GAB1: variants seen among roughly 807,000 people sequenced by gnomAD.
GAB1 encodes GRB2-associated-binding protein 1.
Under a neutral mutation model 66.5 loss-of-function variants are expected in GAB1, and 19 were observed. That is an observed-to-expected ratio of 0.29 (90% CI 0.20 to 0.42). GAB1 has a LOEUF of 0.42. Among genes scored for constraint, GAB1 ranks in the 10% least tolerant of loss-of-function variants. GAB1 has a pLI of 1.00. For synonymous variants in GAB1, 294 were observed against 301.4 expected (o/e 0.98, Z 0.25); for missense variants, 732 against 858.5 (o/e 0.85, Z 1.84).
At chr4:143,423,613 A>G (rs1733139320) in intron 2 of GAB1, among the ~76,000 whole-genome samples, 1 of 150,962 alleles carries the variant, frequency 6.6e-6, no homozygotes, top group South Asian at 2.1e-4. Context: ...CATCTCTACT[A>G]AAAATACAAA....
chr4:143,466,395 G>C, intron 9 of GAB1, among the ~76,000 whole-genome samples, 170 bp downstream of exon 9: 1 of 147,940 alleles, frequency 6.8e-6, no homozygotes, highest in African/African-American at 2.5e-5. Flanking sequence ...TATGGAGACT[G>C]ATTATTTTTT....
At chr4:143,392,997 T>C (rs528086067) in intron 1 of GAB1, among the ~76,000 whole-genome samples, 7 of 152,142 alleles carry the variant, frequency 4.6e-5, no homozygotes, top group Non-Finnish European at 1.0e-4. Context: ...ACAAAGTACC[T>C]GCAGTTCTTT....
intron 1 of GAB1, among the ~76,000 whole-genome samples, chr4:143,392,416 T>C (rs144102303): frequency 1.6e-4 from 24 of 152,318 alleles, no homozygotes; most frequent in South Asian, 8.3e-4. Context: ...TCTGATAGCG[T>C]TCATCAAAAT....
At chr4:143,414,743 T>A (rs907734684) in intron 1 of GAB1, among the ~76,000 whole-genome samples, 1 of 152,260 alleles carries the variant, frequency 6.6e-6, no homozygotes, top group African/African-American at 2.4e-5. Context: ...TTTATGTGTA[T>A]TCTTTATGGC....
chr4:143,358,901 A>G (rs1729551736), intron 1 of GAB1, among the ~76,000 whole-genome samples: 1 of 152,184 alleles, frequency 6.6e-6, no homozygotes, highest in Non-Finnish European at 1.5e-5. Context: ...AGCACTATGA[A>G]GAGAAAGTGA....
chr4:143,413,591 G>GA (rs1040178262), intron 1 of GAB1, among the ~76,000 whole-genome samples: 1 of 151,750 alleles, frequency 6.6e-6, no homozygotes, highest in African/African-American at 2.4e-5. Context: ...TTCTGTAGAG[G>GA]AATGCTTGTT....
chr4:143,469,426 A>G lies in GAB1; in HGVS notation c.*237A>G, dbSNP rs777180158. 8.4e-5 allele frequency: 38 copies of G among 450,734 alleles called. No homozygotes were observed. Among genetic ancestry groups the G allele is most frequent in the Admixed American group, 6.7e-4 (20 of 29,994 alleles). 27.9% of individuals were successfully genotyped at this position (450,734 alleles called of 1,614,324 possible). On this transcript the variant is annotated 3_prime_UTR_variant, in exon 10 of 10. Transcript: ENST00000262994. The stretch of plus-strand genomic sequence containing the variant: ...AGTATTGTTTAGCTCCCAGAGAAAC[A>G]TTTGTTCCACAGTTAACACACTCGT...
rs530887917 is a variant in GAB1, at chr4:143,369,756, A to G, written c.72+32496A>G. On this transcript the variant is annotated intron_variant, in intron 1 of 9. Transcript: ENST00000262994. Reference sequence around the variant, plus strand: ...CTAAACCGGGAAGCTGCTATTACAGAAGGCACAGGAAGTCAAGCTGCCTAT... The same window carrying G: ...CTAAACCGGGAAGCTGCTATTACAGGAGGCACAGGAAGTCAAGCTGCCTAT... Among the ~76,000 whole-genome samples, 37 of 152,352 alleles carry G rather than the reference A, an allele frequency of 2.4e-4. 1 individual carries two copies. Among genetic ancestry groups the G allele is most frequent in the Admixed American group, 1.8e-3 (27 of 15,302 alleles).
intron 1 of GAB1, among the ~76,000 whole-genome samples, chr4:143,412,541 C>T (rs1240684026): frequency 1.3e-5 from 2 of 152,124 alleles, no homozygotes; most frequent in Non-Finnish European, 2.9e-5. Context: ...ACTTTTCAGT[C>T]TGTTTGGGGA....
chr4:143,461,472 G>C lies in GAB1; in HGVS notation c.1803+985G>C, dbSNP rs114905271. ...AAGATGATGCTCCAGCCAGCAGAGT[G>C]ACATTCCAACTCCAGGTGGAGGAAA... On this transcript the variant is annotated intron_variant, in intron 8 of 9. Coordinates refer to ENST00000262994, the MANE Select transcript of GAB1 (RefSeq NM_002039.4). 5.6e-3 allele frequency among the ~76,000 whole-genome samples: 854 copies of C among 152,222 alleles called. 10 individuals are homozygous for C. Among genetic ancestry groups the C allele is most frequent in the African/African-American group, 0.019 (801 of 41,532 alleles).
At chr4:143,434,198 TGTGAGAA>T in intron 3 of GAB1, 1 of 1,129,956 alleles carries the variant, frequency 8.8e-7, no homozygotes. Context: ...TTTGGATCTG[TGTGAGAA>T]ATTAATCATA....
intron 1 of GAB1, among the ~76,000 whole-genome samples, chr4:143,390,619 C>G (rs1731141253): frequency 6.6e-6 from 1 of 152,054 alleles, no homozygotes; most frequent in South Asian, 2.1e-4. Context: ...GTAAAACACC[C>G]AGAACAGTGC....
At position 143,337,178 on chromosome 4, in the gene GAB1, A is replaced by T. The variant is rs1263278931; in HGVS notation, c.-11A>T. Reference sequence around the variant, plus strand: ...TCAGCTGCCCGGCCCGGAGCCCGAGACGCGCGCACCATGAGCGGTGGTGAA... The same window carrying T: ...TCAGCTGCCCGGCCCGGAGCCCGAGTCGCGCGCACCATGAGCGGTGGTGAA... On this transcript the variant is annotated 5_prime_UTR_variant, in exon 1 of 10. Coordinates refer to ENST00000262994, the MANE Select transcript of GAB1 (RefSeq NM_002039.4). 1.3e-6 allele frequency: 2 copies of T among 1,569,396 alleles called. No homozygotes were observed. The highest frequency in any genetic ancestry group is 1.7e-6 in the Non-Finnish European group (2 of 1,156,564).
intron 1 of GAB1, among the ~76,000 whole-genome samples, chr4:143,392,117 T>C (rs1325126259): frequency 2.0e-5 from 3 of 152,206 alleles, no homozygotes. Flanking sequence ...AGAGGAGGCA[T>C]CTGTTTTTGT....
At chr4:143,390,164 G>T (rs1191080256) in intron 1 of GAB1, among the ~76,000 whole-genome samples, 2 of 152,146 alleles carry the variant, frequency 1.3e-5, no homozygotes, top group Admixed American at 6.5e-5. Context: ...TAGAAGTAGA[G>T]TAAAAAGTTT....
chr4:143,354,332 A>G (rs780606552), intron 1 of GAB1, among the ~76,000 whole-genome samples: 25 of 151,902 alleles, frequency 1.6e-4, no homozygotes, highest in Admixed American at 2.6e-4. Flanking sequence ...TCTAACTCAT[A>G]TACTGTTTAA....
At position 143,421,365 on chromosome 4, in the gene GAB1, T is replaced by TGA. The variant is rs545633421; in HGVS notation, c.367+5594_367+5595insGA. 1.5e-3 allele frequency among the ~76,000 whole-genome samples: 233 copies of TGA among 152,272 alleles called. 1 individual carries two copies. Among genetic ancestry groups the TGA allele is most frequent in the African/African-American group, 5.3e-3 (220 of 41,586 alleles). ...CACAAAGCTGTAGTGAACATTTCTT[T>TGA]ATATGTCTTTTGATGAACATAAACA... On this transcript the variant is annotated intron_variant, in intron 2 of 9. Transcript: ENST00000262994.
chr4:143,415,216 T>A (rs1732616526), intron 1 of GAB1, among the ~76,000 whole-genome samples: 1 of 152,224 alleles, frequency 6.6e-6, no homozygotes, highest in South Asian at 2.1e-4. Context: ...TCCTCCTTGA[T>A]GTATTGCCTC....
chr4:143,364,583 A>G (rs1475878728), intron 1 of GAB1, among the ~76,000 whole-genome samples: 1 of 152,164 alleles, frequency 6.6e-6, no homozygotes, highest in Non-Finnish European at 1.5e-5. Context: ...TCCAGAGTCA[A>G]GTCTGTCTCG....
Sources: allele counts gnomAD v4.1 joint callset (sites outside exome capture counted in the v4.1 genomes callset), GRCh38; gene constraint gnomAD v4.1.1; transcripts MANE v1.5; gene names NCBI Gene and HGNC (gene_info 2026-07-23, HGNC 2026-07-21).